MMRN1: variants seen among roughly 807,000 people sequenced by gnomAD.
MMRN1 encodes multimerin-1.
A neutral mutation model predicts 100.7 loss-of-function variants in MMRN1; 94 were observed. That is an observed-to-expected ratio of 0.93 (90% CI 0.79 to 1.11). The LOEUF (loss-of-function observed/expected upper bound fraction) is 1.11, where lower values mean the gene tolerates loss of function less well. MMRN1 is among the 50% of genes least tolerant of loss of function. The pLI is 0.00. For synonymous variants in MMRN1, 575 were observed against 505.0 expected (o/e 1.14, Z -1.86); for missense variants, 1,606 against 1,439.1 (o/e 1.12, Z -1.88).
rs779857809 is a variant in MMRN1 at position 89,935,256 on chromosome 4, G to GT, written c.1577dup (p.Ser527IlefsTer10). 1 of 1,613,704 alleles carries GT rather than the reference G, an allele frequency of 6.2e-7. No individual in the cohort carries two copies. Among genetic ancestry groups the GT allele is most frequent in the Non-Finnish European group, 8.5e-7 (1 of 1,179,774 alleles). The stretch of plus-strand genomic sequence containing the variant: ...TGAGCAGCTTTTATCAACTGAACAG[G>GT]TATCAGACCAGAAGAATGCTCCAGC... On this transcript the variant is annotated frameshift_variant, in exon 6 of 8. Transcript: ENST00000264790. LOFTEE classifies it high-confidence loss of function.
chr4:89,910,482 C>T (rs1044508540), intron 2 of MMRN1, among the ~76,000 whole-genome samples: 21 of 151,302 alleles, frequency 1.4e-4, no homozygotes, highest in African/African-American at 4.6e-4. Flanking sequence ...TGCATTCATT[C>T]GCTATTTTTA....
chr4:89,890,154 T>C (rs944417762), upstream of MMRN1, among the ~76,000 whole-genome samples: 7 of 152,066 alleles, frequency 4.6e-5, no homozygotes, highest in Non-Finnish European at 1.0e-4. Context: ...GGACACCTTG[T>C]TATAACCTCA....
chr4:89,936,451 T>G lies in MMRN1; in HGVS notation c.2771T>G (p.Leu924Arg), dbSNP rs1722641932. 6.2e-7 allele frequency: 1 copy of G among 1,612,592 alleles called. No homozygotes were observed. Among genetic ancestry groups the G allele is most frequent in the Non-Finnish European group, 8.5e-7 (1 of 1,179,446 alleles). Reference protein sequence around the residue: ...SINFFSLNKTLHEVLTMCHNA... With the variant: ...SINFFSLNKTRHEVLTMCHNA... ...AACTTCTTTTCGCTTAACAAAACTCTCCACGAAGTTTTAACAATGTGTCAC... is the reference window on the plus strand; with the variant it reads ...AACTTCTTTTCGCTTAACAAAACTCGCCACGAAGTTTTAACAATGTGTCAC... The change falls in exon 6 of 8, where the codon CTC becomes CGC. Residue 924 changes from leucine (L) to arginine (R), a missense_variant. Transcript: ENST00000264790.
At chr4:89,911,433 C>T (rs371691262) in intron 2 of MMRN1, among the ~76,000 whole-genome samples, 49 of 151,346 alleles carry the variant, frequency 3.2e-4, no homozygotes, top group African/African-American at 1.1e-3. Context: ...AGCATAATTT[C>T]AAAACTTTGA....
intron 6 of MMRN1, among the ~76,000 whole-genome samples, chr4:89,940,958 C>T (rs1411220058): frequency 6.6e-6 from 1 of 151,866 alleles, no homozygotes; most frequent in African/African-American, 2.4e-5. Context: ...GGTCATCATG[C>T]AATGATAAAT....
chr4:89,907,646 G>A (rs974731517), intron 1 of MMRN1, among the ~76,000 whole-genome samples: 1 of 150,960 alleles, frequency 6.6e-6, no homozygotes, highest in Non-Finnish European at 1.5e-5. Context: ...ACTTCAGTTT[G>A]GCTGGTTTCT....
At position 89,884,070 on chromosome 4, in the gene MMRN1, T is replaced by A. The variant is rs554227422; in HGVS notation, c.-249+4468T>A. ...TTTTTGGACTATTTTGTCCCGGTGC[T>A]CTATTTTTCTATTTTTACACCAATA... On this transcript the variant is annotated intron_variant, in intron 1 of 8. Transcript: ENST00000394980. Among the ~76,000 whole-genome samples the A allele has an allele frequency of 2.1e-3, 317 of 152,262 alleles. 2 individuals are homozygous for A. The highest frequency in any genetic ancestry group is 7.0e-3 in the African/African-American group (291 of 41,566).
At chr4:89,919,082 T>G (rs1344531062) in intron 3 of MMRN1, among the ~76,000 whole-genome samples, 1 of 151,688 alleles carries the variant, frequency 6.6e-6, no homozygotes, top group Non-Finnish European at 1.5e-5. Context: ...AAAACTCATT[T>G]GCAATGATAT....
intron 1 of MMRN1, 148 bp downstream of exon 1, chr4:89,895,742 G>A (rs1721185850): frequency 2.2e-6 from 3 of 1,358,838 alleles, no homozygotes. Context: ...GTTAGATAAA[G>A]TTATTGTTAA....
intron 3 of MMRN1, among the ~76,000 whole-genome samples, chr4:89,915,315 C>T (rs1310265355): frequency 6.6e-6 from 1 of 151,510 alleles, no homozygotes; most frequent in African/African-American, 2.4e-5. Flanking sequence ...GTGAAGAACA[C>T]TCTGTACCAT....
intron 3 of MMRN1, among the ~76,000 whole-genome samples, chr4:89,916,802 C>T (rs1721935243): frequency 6.6e-6 from 1 of 151,614 alleles, no homozygotes. Flanking sequence ...CCGCATATCA[C>T]TGTCTATTCC....
At chr4:89,886,797 T>C (rs1005832485) in intron 1 of MMRN1, among the ~76,000 whole-genome samples, 1 of 152,178 alleles carries the variant, frequency 6.6e-6, no homozygotes, top group African/African-American at 2.4e-5. Context: ...TGTTTAATTA[T>C]CAAATCAAGG....
At chr4:89,946,053 A>G (rs556345757) in intron 6 of MMRN1, among the ~76,000 whole-genome samples, 1 of 152,354 alleles carries the variant, frequency 6.6e-6, no homozygotes, top group South Asian at 2.1e-4. Flanking sequence ...GGCAATGGGC[A>G]TATGAAATAT....
intron 5 of MMRN1, among the ~76,000 whole-genome samples, chr4:89,931,708 G>A (rs939450341): frequency 6.6e-6 from 1 of 152,094 alleles, no homozygotes. Context: ...CAGGGGAACT[G>A]CCCTTTATAA....
At chr4:89,920,153 G>C (rs1560588286) in intron 3 of MMRN1, among the ~76,000 whole-genome samples, 1 of 152,138 alleles carries the variant, frequency 6.6e-6, no homozygotes, top group East Asian at 1.9e-4. Context: ...AACTCAGCTT[G>C]TCAGTTATTG....
rs1345944385 is a variant in MMRN1 at position 89,936,254 on chromosome 4, T to C, written c.2574T>C (p.Phe858=). The C allele has an allele frequency of 9.4e-6, 15 of 1,603,290 alleles. No homozygotes were observed. The highest frequency in any genetic ancestry group is 1.0e-5 in the Non-Finnish European group (12 of 1,177,236). ...TAACTACCAAGATTTCCAAAAATTT[T>C]GAGACTCGGTTGCAAGACATTGAGT... ...LLLTTKISKN[F]ETRLQDIESK... Residue 858 remains phenylalanine (F), a synonymous_variant, in exon 6 of 8, where the codon TTT becomes TTC. Coordinates refer to ENST00000264790, the MANE Select transcript of MMRN1 (RefSeq NM_007351.3).
chr4:89,896,099 A>C (rs1176719285), intron 1 of MMRN1, among the ~76,000 whole-genome samples: 2 of 152,178 alleles, frequency 1.3e-5, no homozygotes, highest in Non-Finnish European at 2.9e-5. Context: ...CATGATTTTG[A>C]GCAACTCAGT....
chr4:89,937,486 CA>C (rs1722683448), intron 6 of MMRN1, among the ~76,000 whole-genome samples: 1 of 152,010 alleles, frequency 6.6e-6, no homozygotes, highest in South Asian at 2.1e-4. Flanking sequence ...GGAAAGTTCC[CA>C]TCAACAGAAA....
chr4:89,923,220 T>C lies in MMRN1; in HGVS notation c.903T>C (p.Ala301=). 1 of 1,613,990 alleles carries C rather than the reference T, an allele frequency of 6.2e-7. No homozygotes were observed. Among genetic ancestry groups the C allele is most frequent in the Non-Finnish European group, 8.5e-7 (1 of 1,179,858 alleles). ...IHTNQAESHT[A]VGRGVAEQQQ... ...CCAACCAGGCTGAAAGTCATACAGC[T>C]GTTGGCAGAGGAGTAGCTGAGCAGC... Residue 301 remains alanine (A), a synonymous_variant, in exon 4 of 8, where the codon GCT becomes GCC. Coordinates refer to ENST00000264790, the MANE Select transcript of MMRN1 (RefSeq NM_007351.3).
Sources: allele counts gnomAD v4.1 joint callset (sites outside exome capture counted in the v4.1 genomes callset), GRCh38; gene constraint gnomAD v4.1.1; transcripts MANE v1.5; gene names NCBI Gene and HGNC (gene_info 2026-07-23, HGNC 2026-07-21).